ZNF91: variants seen among roughly 807,000 people sequenced by gnomAD.
ZNF91 encodes zinc finger protein 91 (HPF7, HTF10).
Under a neutral mutation model 12.6 loss-of-function variants are expected in ZNF91, and 7 were observed. That is an observed-to-expected ratio of 0.55 (90% CI 0.31 to 1.04). ZNF91 has a LOEUF of 1.04. Among genes scored for constraint, ZNF91 ranks in the 50% least tolerant of loss-of-function variants. ZNF91 has a pLI of 0.05. For synonymous variants in ZNF91, 453 were observed against 462.6 expected (o/e 0.98, Z 0.27); for missense variants, 1,217 against 1,385.4 (o/e 0.88, Z 1.93).
chr19:23,355,947 C>A (rs140188338), downstream of ZNF91, among the ~76,000 whole-genome samples: 5 of 152,106 alleles, frequency 3.3e-5, no homozygotes, highest in African/African-American at 1.2e-4. Flanking sequence ...ACCCACAATG[C>A]GATACCACCT....
chr19:23,369,135 C>A (rs1352233846), intron 3 of ZNF91, among the ~76,000 whole-genome samples: 2 of 152,060 alleles, frequency 1.3e-5, no homozygotes, highest in Non-Finnish European at 2.9e-5. Flanking sequence ...CGTGGTGAAA[C>A]CCTGTCTCTA....
At chr19:23,386,578 G>T (rs1427191625) in intron 1 of ZNF91, among the ~76,000 whole-genome samples, 1 of 152,088 alleles carries the variant, frequency 6.6e-6, no homozygotes, top group Non-Finnish European at 1.5e-5. Flanking sequence ...TTTAATAAAT[G>T]GTTGTGGAAT....
At chr19:23,345,466 A>G (rs1487674344) in intron 3 of ZNF91, among the ~76,000 whole-genome samples, 2 of 152,196 alleles carry the variant, frequency 1.3e-5, no homozygotes, top group East Asian at 3.9e-4. Context: ...ATTGCTGATG[A>G]CTGGAAAAAT....
intron 1 of ZNF91, chr19:23,380,922 C>G (rs950237730): frequency 6.6e-6 from 1 of 152,100 alleles, no homozygotes; most frequent in Non-Finnish European, 1.5e-5. Flanking sequence ...TATATGTGAG[C>G]CTGCAACATA....
At chr19:23,328,364 A>G (rs1366454298) in intron 1 of ZNF91, 1 of 152,220 alleles carries the variant, frequency 6.6e-6, no homozygotes, top group East Asian at 1.9e-4. Flanking sequence ...ATTTGAGCTA[A>G]TATCTGAAGG....
At chr19:23,352,715 G>A (rs1223653605), downstream of ZNF91, among the ~76,000 whole-genome samples, 4 of 152,136 alleles carry the variant, frequency 2.6e-5, no homozygotes, top group Admixed American at 1.3e-4. Flanking sequence ...GTCTTCAGGA[G>A]ACTCAGCTAA....
downstream of ZNF91, among the ~76,000 whole-genome samples, chr19:23,355,760 A>G (rs1238794251): frequency 4.6e-5 from 7 of 152,216 alleles, no homozygotes; most frequent in Admixed American, 4.6e-4. Flanking sequence ...ACCTCCGACA[A>G]AAGATTAATA....
chr19:23,342,551 G>A (rs1367570992), intron 3 of ZNF91, among the ~76,000 whole-genome samples: 2 of 152,050 alleles, frequency 1.3e-5, no homozygotes, highest in African/African-American at 4.8e-5. Flanking sequence ...TTAATCTAGA[G>A]TGAAGGATAC....
Position 23,333,036 on chromosome 19 carries a change from T to C in ZNF91, n.117-23939A>G, listed in dbSNP as rs1254947270. On this transcript the variant is annotated intron_variant and non_coding_transcript_variant, in intron 1 of 1. Transcript: ENST00000596528. ...TTCCAGAAGTGAAAAAGGGTGGGCA[T>C]GGACTCTGCGATTCTGCTGGTCCTC... Among the ~76,000 whole-genome samples the C allele has an allele frequency of 2.6e-5, 4 of 152,194 alleles. No homozygotes were observed. The East Asian group carries it at 7.7e-4, about 29-fold the overall frequency.
Position 23,341,632 on chromosome 19 carries a change from C to A in ZNF91, c.254-2578G>T, listed in dbSNP as rs189561704. ...TGACCAATAGATATATAAAAAAGTGCTCAATATCACCTACCAAAAGGCAAC... is the reference window on the plus strand; with the variant it reads ...TGACCAATAGATATATAAAAAAGTGATCAATATCACCTACCAAAAGGCAAC... On this transcript the variant is annotated intron_variant, in intron 3 of 3. Transcript: ENST00000599743. Among the ~76,000 whole-genome samples the A allele has an allele frequency of 5.3e-5, 8 of 151,974 alleles. No individual in the cohort carries two copies. The East Asian group carries it at 1.6e-3, about 29-fold the overall frequency.
chr19:23,316,476 C>T (rs1259680985), intron 1 of ZNF91, among the ~76,000 whole-genome samples: 1 of 152,158 alleles, frequency 6.6e-6, no homozygotes, highest in Admixed American at 6.5e-5. Flanking sequence ...CTGCAGCCTG[C>T]ACCCTGCAGG....
In ZNF91 at chr19:23,359,513, G is replaced by T; in HGVS notation, c.3466C>A (p.His1156Asn). The T allele has an allele frequency of 1.4e-5, 22 of 1,613,892 alleles. No individual in the cohort carries two copies. The highest frequency in any genetic ancestry group is 1.8e-5 in the Non-Finnish European group (21 of 1,179,860). ...AGTGGGATTACAGGTGTGATAGTAT[G>T]AATTTTCTTATGGTTAGTAAGGATT... ...SSILTNHKKI[H>N]TITPVIPLLW... is the part of the protein sequence containing the mutation. The change falls in exon 4 of 4, where the codon CAT (histidine) becomes AAT (asparagine). Residue 1156 changes from histidine (H) to asparagine (N), a missense_variant. This residue lies in a region of ZNF91 where 491 missense variants were observed against 489.8 expected (regional missense o/e 1.00). Coordinates refer to ENST00000300619, the MANE Select transcript of ZNF91 (RefSeq NM_003430.4).
At chr19:23,317,203 G>A (rs1476399471) in intron 1 of ZNF91, among the ~76,000 whole-genome samples, 1 of 152,090 alleles carries the variant, frequency 6.6e-6, no homozygotes, top group Non-Finnish European at 1.5e-5. Flanking sequence ...CCGCCACCAT[G>A]CCTGGCTAAC....
chr19:23,378,466 C>T (rs1006565912), intron 1 of ZNF91, among the ~76,000 whole-genome samples: 10 of 151,540 alleles, frequency 6.6e-5, no homozygotes, highest in African/African-American at 1.9e-4. Flanking sequence ...AAAACAAAAA[C>T]GAAAACAGAA....
intron 2 of ZNF91, chr19:23,307,705 G>C (rs1490149093): frequency 6.6e-6 from 1 of 152,182 alleles, no homozygotes; most frequent in African/African-American, 2.4e-5. Flanking sequence ...ACCCACAGGG[G>C]GTACTGTGAG....
intron 1 of ZNF91, among the ~76,000 whole-genome samples, chr19:23,385,555 C>A (rs1969843325): frequency 6.6e-6 from 1 of 152,150 alleles, no homozygotes; most frequent in African/African-American, 2.4e-5. Context: ...ATGTTTGGCT[C>A]AGATATTGTT....
chr19:23,328,097 C>A (rs1389460058), intron 1 of ZNF91: 1 of 151,738 alleles, frequency 6.6e-6, no homozygotes, highest in Non-Finnish European at 1.5e-5. Context: ...CCATAAATAT[C>A]CAAATATCTG....
intron 1 of ZNF91, among the ~76,000 whole-genome samples, chr19:23,375,191 C>T (rs935555600): frequency 1.1e-4 from 16 of 150,860 alleles, no homozygotes; most frequent in African/African-American, 3.7e-4. Context: ...GACAGAGTCT[C>T]ACTCTGTTGC....
At chr19:23,314,784 C>T (rs531592713), upstream of ZNF91, among the ~76,000 whole-genome samples, 19 of 152,220 alleles carry the variant, frequency 1.2e-4, no homozygotes, top group Non-Finnish European at 1.9e-4. Flanking sequence ...GCAAGGATTA[C>T]CTCTACTGCT....
Sources: gnomAD v4.1 joint callset for allele counts (sites outside exome capture counted in the v4.1 genomes callset) on GRCh38, gnomAD v4.1.1 for gene constraint, gnomAD v4.1.1 regional missense constraint, MANE v1.5 for transcripts, NCBI Gene and HGNC (gene_info 2026-07-23, HGNC 2026-07-21) for gene names.